BRWD1: variants seen among roughly 807,000 people sequenced by gnomAD.
BRWD1 encodes the protein bromodomain and WD repeat domain containing 1.
BRWD1 carries 82 observed loss-of-function variants against 251.2 expected under a neutral mutation model. The ratio of observed to expected loss-of-function variants is 0.33; its 90% CI spans 0.27 to 0.39. The LOEUF (loss-of-function observed/expected upper bound fraction) is 0.39. Among genes scored for constraint, BRWD1 ranks in the 10% least tolerant of loss-of-function variants. The probability of loss-of-function intolerance (pLI) is 1.00; values close to 1 mark genes in which losing one functional copy is unlikely to be tolerated. For synonymous variants in BRWD1, 918 were observed against 902.8 expected, an observed-to-expected ratio of 1.02 and a Z score of -0.30; for missense variants, 2,233 against 2,711.6, an observed-to-expected ratio of 0.82 and a Z score of 3.92.
intron 8 of BRWD1, among the ~76,000 whole-genome samples, chr21:39,289,973 C>T (rs1037563964): frequency 7.5e-5 from 11 of 147,386 alleles, no homozygotes; most frequent in East Asian, 2.0e-4. Flanking sequence ...TGCAGTGAGC[C>T]GAGATCGCGC....
Position 39,198,763 on chromosome 21 carries a change from C to T in BRWD1, c.5653G>A (p.Asp1885Asn), listed in dbSNP as rs1284751046. ...KIEKPNNFMK[D>N]SASQDNGLSR... ...AACAAAGATAAATGTTTTGAATTACCTTTCATAAAATTGTTTGGTTTTTCT... is the reference window on the plus strand; with the variant it reads ...AACAAAGATAAATGTTTTGAATTACTTTTCATAAAATTGTTTGGTTTTTCT... The change falls in exon 40 of 41, where the codon GAT becomes AAT. Residue 1885 changes from aspartate to asparagine, a missense_variant and splice_region_variant. Coordinates refer to ENST00000342449, the MANE Select transcript of BRWD1 (RefSeq NM_033656.4). The T allele has an allele frequency of 1.9e-6, 3 of 1,573,740 alleles. No homozygotes were observed. The highest frequency in any genetic ancestry group is 2.7e-5 in the African/African-American group (2 of 73,124).
intron 8 of BRWD1, among the ~76,000 whole-genome samples, chr21:39,285,050 T>C (rs973020000): frequency 2.0e-5 from 3 of 152,202 alleles, no homozygotes; most frequent in African/African-American, 4.8e-5. Flanking sequence ...CCATTCACAA[T>C]AGTCAAGACA....
At position 39,270,412 on chromosome 21, in the gene BRWD1, T is replaced by C. The variant is rs147217615; in HGVS notation, c.1266A>G (p.Glu422=). The C allele has an allele frequency of 3.7e-4, 601 of 1,608,798 alleles. 3 individuals are homozygous for C. Among genetic ancestry groups the C allele is most frequent in the Non-Finnish European group, 4.0e-4 (471 of 1,178,132 alleles). ...TTGTTACTTTAGGTTTCATAAACCT[T>C]TCCTCTTCGGAAGATAAGTCCCTAA... is the stretch of plus-strand genomic sequence containing the variant. ...RISGDLSSEE[E]RFMKPKVTMI... The change falls in exon 14 of 41, where the codon GAA becomes GAG. Residue 422 remains glutamate, a synonymous_variant. Transcript: ENST00000342449.
intron 20 of BRWD1, among the ~76,000 whole-genome samples, chr21:39,248,245 A>G: frequency 6.6e-6 from 1 of 152,156 alleles, no homozygotes; most frequent in East Asian, 1.9e-4. Context: ...AATGTTCAAC[A>G]TACTAATCAT....
chr21:39,273,502 G>A (rs74982662), intron 13 of BRWD1, among the ~76,000 whole-genome samples: 2,320 of 152,232 alleles, frequency 0.015, 58 homozygotes, highest in African/African-American at 0.053. Flanking sequence ...AAAGCATTTG[G>A]GAGGCAGAGG....
chr21:39,216,856 G>C, intron 31 of BRWD1: 1 of 200,608 alleles, frequency 5.0e-6, no homozygotes, highest in Non-Finnish European at 1.0e-5. Flanking sequence ...TGCCACAGGG[G>C]TTGGCTATAC....
At chr21:39,280,070 CAAT>C (rs2146702159) in intron 9 of BRWD1, 75 bp downstream of exon 9, 3 of 1,072,546 alleles carry the variant, frequency 2.8e-6, no homozygotes, top group Non-Finnish European at 4.0e-6. Flanking sequence ...TTTCTCATAA[CAAT>C]AAAACTTCAT....
intron 15 of BRWD1, 101 bp from the exon 16 acceptor site, chr21:39,265,120 T>TG: frequency 8.8e-7 from 1 of 1,130,266 alleles, no homozygotes; most frequent in Non-Finnish European, 1.2e-6. Context: ...ATATCCCTTC[T>TG]GAAAAAAAAA....
intron 25 of BRWD1, 116 bp downstream of exon 25, chr21:39,232,061 C>T: frequency 2.1e-6 from 2 of 947,670 alleles, no homozygotes. Context: ...GAAATGTTAT[C>T]AAGTAGGAAA....
rs1406322071 is a variant in BRWD1 at position 39,195,484 on chromosome 21, AT to A, written c.*774del. The A allele has an allele frequency of 1.6e-5, 16 of 985,288 alleles. No homozygotes were observed. The highest frequency in any genetic ancestry group is 1.8e-5 in the Non-Finnish European group (15 of 829,586). 61.0% of individuals were successfully genotyped at this position (985,288 alleles called of 1,614,324 possible). A position where few individuals can be genotyped will look rare whatever the true frequency, so the allele number is the denominator to read the frequency against. On this transcript the variant is annotated 3_prime_UTR_variant, in exon 41 of 41. Coordinates refer to ENST00000342449, the MANE Select transcript of BRWD1 (RefSeq NM_033656.4). Reference sequence around the variant, plus strand: ...CCAGGAGATCTTGGACAGAAGACAGATTATATAGCATTTTGTTAGTGCACAA... The same window carrying A: ...CCAGGAGATCTTGGACAGAAGACAGATATATAGCATTTTGTTAGTGCACAA...
chr21:39,188,423 C>T lies in BRWD1; in HGVS notation c.*7836G>A, dbSNP rs1325258422. On this transcript the variant is annotated 3_prime_UTR_variant, in exon 41 of 41. Transcript: ENST00000342449. ...ACTAGACATCTGGAGGACTCCACCA[C>T]ATTCTTTTTACTACTAAGTACTAGA... 1 of 985,276 alleles carries T rather than the reference C, an allele frequency of 1.0e-6. No homozygotes were observed. Among genetic ancestry groups the T allele is most frequent in the African/African-American group, 1.7e-5 (1 of 57,224 alleles). 61.0% of individuals were successfully genotyped at this position (985,276 alleles called of 1,614,324 possible).
intron 17 of BRWD1, among the ~76,000 whole-genome samples, chr21:39,260,753 G>C (rs2034715957): frequency 6.6e-6 from 1 of 152,174 alleles, no homozygotes. Flanking sequence ...CCAGGTTACA[G>C]AACAAAAGAG....
At chr21:39,217,022 TATATATATATATAAATATATATATATA>T (rs2032932141) in intron 31 of BRWD1, 3 of 20,990 alleles carry the variant, frequency 1.4e-4, no homozygotes, top group African/African-American at 3.5e-4. Flanking sequence ...TATATATATA[TATATATATATATAAATATATATATATA>T]TTTATATATA....
chr21:39,291,022 C>T (rs938178792), intron 8 of BRWD1, among the ~76,000 whole-genome samples: 8 of 152,030 alleles, frequency 5.3e-5, no homozygotes, highest in Non-Finnish European at 1.2e-4. Flanking sequence ...CCTAGCTACT[C>T]GAGAGGTTGA....
chr21:39,216,753 A>G, intron 31 of BRWD1: 1 of 412,918 alleles, frequency 2.4e-6, no homozygotes, highest in South Asian at 2.0e-5. Flanking sequence ...GCCTGAAGAG[A>G]CCACCTGTTC....
In BRWD1 at chr21:39,194,547, G is replaced by T. The variant is rs1220478755; in HGVS notation, c.*1712C>A. The T allele has an allele frequency of 8.3e-6, 12 of 1,442,312 alleles. No individual in the cohort carries two copies. Among genetic ancestry groups the T allele is most frequent in the African/African-American group, 1.4e-5 (1 of 69,784 alleles). The allele number at this position is 1,442,312 out of a possible 1,614,324, so 89.3% of individuals were successfully genotyped here. ...TAGCTCTCTAAGCCACAAATGAGAG[G>T]AGGTTTCCCACCTATCTCAGTTGAT... On this transcript the variant is annotated 3_prime_UTR_variant, in exon 41 of 41. Coordinates refer to ENST00000342449, the MANE Select transcript of BRWD1 (RefSeq NM_033656.4).
chr21:39,310,039 A>C (rs2036429020), intron 4 of BRWD1, among the ~76,000 whole-genome samples: 1 of 152,216 alleles, frequency 6.6e-6, no homozygotes, highest in African/African-American at 2.4e-5. Context: ...TTTGCTTAAA[A>C]ACAAGGGAGC....
Position 39,200,220 on chromosome 21 carries a change from A to G in BRWD1, c.4752T>C (p.Thr1584=), listed in dbSNP as rs769675544. 2 of 1,600,980 alleles carry G rather than the reference A, an allele frequency of 1.2e-6. No individual in the cohort carries two copies. The highest frequency in any genetic ancestry group is 1.7e-6 in the Non-Finnish European group (2 of 1,176,562). ...TAAAAGTACTACTGAGTCTCTTACCAGTTTTTCTTTGAGCAGCTCTAGTTC... is the reference window on the plus strand; with the variant it reads ...TAAAAGTACTACTGAGTCTCTTACCGGTTTTTCTTTGAGCAGCTCTAGTTC... The part of the protein sequence containing the change: ...VTRTRAAQRK[T]GPVSLANGCG... The change falls in exon 39 of 41, where the codon ACT becomes ACC. Residue 1584 remains threonine (T), a splice_region_variant and synonymous_variant. Transcript: ENST00000342449.
Position 39,313,436 on chromosome 21 carries a change from G to T in BRWD1, c.49+7C>A. The T allele has an allele frequency of 7.1e-7, 1 of 1,400,012 alleles. No individual in the cohort carries two copies. The allele number at this position is 1,400,012 out of a possible 1,614,324, so 86.7% of individuals were successfully genotyped here. A position where few individuals can be genotyped will look rare whatever the true frequency, so the allele number is the denominator to read the frequency against. ...CAGGGCGGGGGTGGCACGGCCTCGC[G>T]TCTTACCCGACTCGATGAGAGGCAC... On this transcript the variant is annotated splice_region_variant and intron_variant, in intron 1 of 40. Transcript: ENST00000342449.
Sources: gnomAD v4.1 joint callset for allele counts (sites outside exome capture counted in the v4.1 genomes callset) on GRCh38, gnomAD v4.1.1 for gene constraint, MANE v1.5 for transcripts, NCBI Gene and HGNC (gene_info 2026-07-23, HGNC 2026-07-21) for gene names.